The following HDAC9 variants were observed in gnomAD, a reference collection of about 807,000 sequenced individuals.
HDAC9 encodes histone deacetylase 9, also known as MEF-2 interacting transcription repressor (MITR) protein.
HDAC9 carries 41 observed loss-of-function variants against 139.4 expected under a neutral mutation model. That is an observed-to-expected ratio of 0.29 (90% confidence interval 0.23 to 0.38). The LOEUF is 0.38. HDAC9 is among the 10% of genes least tolerant of loss of function. The probability of loss-of-function intolerance (pLI) is 1.00; values close to 1 mark genes in which losing one functional copy is unlikely to be tolerated. For missense variants in HDAC9, 1,147 were observed against 1,297.0 expected (o/e 0.88, Z 1.78); for synonymous variants, 517 against 476.2 (o/e 1.09, Z -1.12).
At chr7:18,289,688 A>T (rs1445606746), upstream of HDAC9, among the ~76,000 whole-genome samples, 1 of 152,160 alleles carries the variant, frequency 6.6e-6, no homozygotes, top group Admixed American at 6.6e-5. Flanking sequence ...AAATTGCATC[A>T]TCTAGGGTTC....
intron 1 of HDAC9, chr7:18,458,975 C>T (rs561224615): frequency 1.8e-6 from 2 of 1,108,564 alleles, no homozygotes; most frequent in East Asian, 2.6e-5. Context: ...ACTTCCTTTT[C>T]CAGGCTATTG....
Position 18,835,966 on chromosome 7 carries a change from A to G in HDAC9, c.2653A>G (p.Met885Val), listed in dbSNP as rs1188708018. ...CTGGACAGGTGGCCTTGATCCTCCC[A>G]TGGGAGATGTTGAGTACCTTGAAGC... ...IAWTGGLDPP[M>V]GDVEYLEAFR... is the part of the protein sequence containing the mutation. The change falls in exon 21 of 26, where the codon ATG becomes GTG. Residue 885 changes from methionine (M) to valine (V), a missense_variant. By Grantham distance (21) the Met-to-Val change is conservative (BLOSUM62 1). This residue lies in a region of HDAC9 where 407 missense variants were observed against 521.5 expected (regional missense o/e 0.78). Transcript: ENST00000686413. 1.3e-6 allele frequency: 2 copies of G among 1,566,048 alleles called. No homozygotes were observed. The highest frequency in any genetic ancestry group is 1.7e-6 in the Non-Finnish European group (2 of 1,153,644).
chr7:18,462,615 A>C (rs893118323), intron 1 of HDAC9, among the ~76,000 whole-genome samples: 19 of 152,040 alleles, frequency 1.2e-4, no homozygotes, highest in African/African-American at 4.6e-4. Flanking sequence ...TATGCTGTAT[A>C]AAATATCATG....
chr7:18,887,163 G>C (rs564318494), intron 22 of HDAC9, among the ~76,000 whole-genome samples: 1 of 152,322 alleles, frequency 6.6e-6, no homozygotes, highest in South Asian at 2.1e-4. Flanking sequence ...ATGGGCTGGA[G>C]AGTCACTATG....
chr7:18,970,533 C>G (rs1784179394), intron 24 of HDAC9, among the ~76,000 whole-genome samples: 1 of 152,096 alleles, frequency 6.6e-6, no homozygotes, highest in Non-Finnish European at 1.5e-5. Context: ...TGAAAAATTA[C>G]CTGGTCACTC....
At chr7:18,759,089 T>C (rs1789142828) in intron 14 of HDAC9, among the ~76,000 whole-genome samples, 1 of 151,930 alleles carries the variant, frequency 6.6e-6, no homozygotes, top group South Asian at 2.1e-4. Flanking sequence ...GGGCCTAGAG[T>C]ATAACTAGCG....
At chr7:18,801,817 G>T (rs78073165) in intron 17 of HDAC9, among the ~76,000 whole-genome samples, 6,454 of 151,798 alleles carry the variant, frequency 0.043, 418 homozygotes, top group African/African-American at 0.14. Flanking sequence ...ATTTTTTCTT[G>T]ACATTTACAT....
At chr7:18,739,546 G>A (rs1025879236) in intron 13 of HDAC9, among the ~76,000 whole-genome samples, 3 of 152,222 alleles carry the variant, frequency 2.0e-5, no homozygotes, top group Non-Finnish European at 2.9e-5. Flanking sequence ...GTTGGAGTTT[G>A]TTGGAGGTCC....
intron 23 of HDAC9, among the ~76,000 whole-genome samples, chr7:18,947,211 TAGAG>T (rs1782465520): frequency 1.3e-5 from 2 of 151,928 alleles, no homozygotes; most frequent in African/African-American, 4.8e-5. Flanking sequence ...TATATCTCAT[TAGAG>T]AATCAAAGCA....
At chr7:18,370,401 G>A (rs1465014783) in intron 1 of HDAC9, among the ~76,000 whole-genome samples, 1 of 152,134 alleles carries the variant, frequency 6.6e-6, no homozygotes, top group Admixed American at 6.5e-5. Flanking sequence ...GCTGGAAATT[G>A]CTGAAAATAT....
At chr7:18,328,272 G>T (rs1201249931) in intron 1 of HDAC9, among the ~76,000 whole-genome samples, 1 of 151,890 alleles carries the variant, frequency 6.6e-6, no homozygotes, top group Non-Finnish European at 1.5e-5. Flanking sequence ...TTATTGAAGA[G>T]TGCCCGTTAT....
chr7:18,521,287 A>G (rs1804942040), intron 2 of HDAC9, among the ~76,000 whole-genome samples: 1 of 152,176 alleles, frequency 6.6e-6, no homozygotes, highest in Non-Finnish European at 1.5e-5. Flanking sequence ...TTTTGGAAAC[A>G]TGGCATTGGA....
At chr7:18,574,734 G>T (rs561876012) in intron 2 of HDAC9, among the ~76,000 whole-genome samples, 1 of 152,252 alleles carries the variant, frequency 6.6e-6, no homozygotes, top group African/African-American at 2.4e-5. Flanking sequence ...TGTCAGTGCT[G>T]CCCTGAGCAT....
At chr7:18,716,621 AC>A (rs138971747) in intron 12 of HDAC9, among the ~76,000 whole-genome samples, 10,079 of 152,210 alleles carry the variant, frequency 0.066, 1,030 homozygotes, top group African/African-American at 0.22. Context: ...GTCTGAGGAT[AC>A]CAGAAGCAAT....
chr7:18,615,673 A>C (rs371557914), intron 6 of HDAC9, among the ~76,000 whole-genome samples: 6 of 152,190 alleles, frequency 3.9e-5, no homozygotes, highest in Non-Finnish European at 7.3e-5. Flanking sequence ...TATATCATTA[A>C]TACTACTCTT....
chr7:18,660,345 A>G (rs1029565510), intron 11 of HDAC9, among the ~76,000 whole-genome samples: 2 of 152,138 alleles, frequency 1.3e-5, no homozygotes, highest in African/African-American at 4.8e-5. Flanking sequence ...TATTTTGTGA[A>G]TCTTTACAAA....
Position 18,252,242 on chromosome 7 carries a change from A to T in HDAC9, c.25+89893A>T, listed in dbSNP as rs189617340. ...ATTTGCAGTGATCCTCAAGTCCTGA[A>T]GTGGGGCAGGAGTCAATGTGGCCAC... On this transcript the variant is annotated intron_variant, in intron 2 of 12. Coordinates refer to the HDAC9 transcript ENST00000417496. 2.0e-4 allele frequency among the ~76,000 whole-genome samples: 31 copies of T among 152,296 alleles called. No individual in the cohort carries two copies. In the East Asian group the frequency reaches 5.4e-3, roughly 27 times the overall value.
At chr7:18,873,447 G>A (rs748075916) in intron 21 of HDAC9, among the ~76,000 whole-genome samples, 11 of 152,020 alleles carry the variant, frequency 7.2e-5, no homozygotes, top group Non-Finnish European at 1.5e-4. Context: ...TTGCATAACT[G>A]CAACAACTTC....
intron 12 of HDAC9, among the ~76,000 whole-genome samples, chr7:18,685,357 G>C (rs1488592636): frequency 2.0e-5 from 3 of 151,918 alleles, no homozygotes; most frequent in Non-Finnish European, 2.9e-5. Flanking sequence ...GATCTGAAGA[G>C]CCAGTTTTTT....
Sources: allele counts gnomAD v4.1 joint callset (sites outside exome capture counted in the v4.1 genomes callset), GRCh38; gene constraint gnomAD v4.1.1; regional missense constraint gnomAD v4.1.1; transcripts MANE v1.5; gene names NCBI Gene and HGNC (gene_info 2026-07-23, HGNC 2026-07-21).